Variants in CDH8 observed in about 807,000 individuals in gnomAD.
CDH8 encodes cadherin-8.
Under a neutral mutation model 68.1 loss-of-function variants are expected in CDH8, and 17 were observed. That is an observed-to-expected ratio of 0.25 (90% confidence interval 0.17 to 0.37). CDH8 has a LOEUF of 0.37. Ranked by LOEUF, CDH8 falls within the 10% of genes least tolerant of loss-of-function variation. The pLI, the probability that CDH8 is intolerant of heterozygous loss-of-function variation, is 1.00. For synonymous variants in CDH8, 372 were observed against 365.1 expected (o/e 1.02, Z -0.21); for missense variants, 763 against 999.3 (o/e 0.76, Z 3.19).
At chr16:61,919,919 A>G (rs1964329154) in intron 2 of CDH8, among the ~76,000 whole-genome samples, 1 of 152,200 alleles carries the variant, frequency 6.6e-6, no homozygotes, top group African/African-American at 2.4e-5. Flanking sequence ...AGATCAATGA[A>G]ACAGAACAGA....
intron 10 of CDH8, chr16:61,667,672 A>G (rs1187567390): frequency 2.0e-5 from 3 of 152,008 alleles, no homozygotes; most frequent in Admixed American, 2.0e-4. Context: ...CAGAAACTCT[A>G]AGAGAATAAG....
At position 62,010,427 on chromosome 16, in the gene CDH8, T is replaced by C. The variant is rs569131584; in HGVS notation, c.252+10725A>G. Among the ~76,000 whole-genome samples, 5 of 152,274 alleles carry C rather than the reference T, an allele frequency of 3.3e-5. No individual in the cohort carries two copies. In the South Asian group the frequency reaches 1.0e-3, roughly 32 times the overall value. On this transcript the variant is annotated intron_variant, in intron 2 of 11. Transcript: ENST00000577390. ...TGTGATCACCACGCACAGGTTTGAC[T>C]CTGGGCTTCATCACGTAATCACTAT...
chr16:61,652,594 C>A lies in CDH8; in HGVS notation c.*1014G>T, dbSNP rs1187878859. On this transcript the variant is annotated 3_prime_UTR_variant, in exon 12 of 12. Coordinates refer to ENST00000577390, the MANE Select transcript of CDH8 (RefSeq NM_001796.5). ...TTTCGATAATATTGCCTGCCATACT[C>A]ATCTCATCAAAATGTACATGTATTA... 1.9e-6 allele frequency: 2 copies of A among 1,038,856 alleles called. No homozygotes were observed. Among genetic ancestry groups the A allele is most frequent in the African/African-American group, 3.3e-5 (2 of 60,222 alleles). The allele number at this position is 1,038,856 out of a possible 1,614,324, so 64.4% of individuals were successfully genotyped here.
At chr16:61,809,910 C>A (rs1206926656) in intron 7 of CDH8, among the ~76,000 whole-genome samples, 1 of 152,190 alleles carries the variant, frequency 6.6e-6, no homozygotes, top group Non-Finnish European at 1.5e-5. Context: ...CCCGGTCACC[C>A]TATCTTTAGT....
chr16:61,777,763 T>A (rs1413864661), intron 8 of CDH8, among the ~76,000 whole-genome samples: 1 of 152,086 alleles, frequency 6.6e-6, no homozygotes, highest in African/African-American at 2.4e-5. Flanking sequence ...AAAACTGACA[T>A]GGGCTATGCG....
intron 10 of CDH8, among the ~76,000 whole-genome samples, chr16:61,691,123 C>T (rs1057390752): frequency 3.9e-5 from 6 of 152,050 alleles, no homozygotes; most frequent in Non-Finnish European, 7.4e-5. Context: ...GCCGCACACA[C>T]CTTGAGAAGT....
chr16:61,973,833 C>A (rs575777097), intron 2 of CDH8, among the ~76,000 whole-genome samples: 2 of 152,360 alleles, frequency 1.3e-5, no homozygotes, highest in African/African-American at 2.4e-5. Context: ...TCTACACTGA[C>A]TTAACACTTT....
intron 10 of CDH8, among the ~76,000 whole-genome samples, chr16:61,707,469 C>G (rs969132870): frequency 6.6e-6 from 1 of 152,052 alleles, no homozygotes; most frequent in East Asian, 1.9e-4. Flanking sequence ...TCCATAGTGT[C>G]TCTCCCTTAT....
intron 10 of CDH8, among the ~76,000 whole-genome samples, chr16:61,672,285 T>C (rs1039717299): frequency 6.6e-6 from 1 of 152,112 alleles, no homozygotes; most frequent in South Asian, 2.1e-4. Context: ...TTCTGATTAT[T>C]GAAAGGCTTA....
At chr16:61,717,780 T>G (rs1017903743) in intron 9 of CDH8, among the ~76,000 whole-genome samples, 4 of 151,418 alleles carry the variant, frequency 2.6e-5, no homozygotes, top group African/African-American at 9.7e-5. Context: ...ATGTGGCACA[T>G]GGCAACTATT....
intron 2 of CDH8, among the ~76,000 whole-genome samples, chr16:61,993,580 A>C (rs139926879): frequency 6.6e-6 from 1 of 152,246 alleles, no homozygotes; most frequent in Non-Finnish European, 1.5e-5. Flanking sequence ...AAAATAAAAA[A>C]TAAAATATGT....
intron 8 of CDH8, among the ~76,000 whole-genome samples, chr16:61,735,371 C>T (rs1027561753): frequency 2.6e-5 from 4 of 152,148 alleles, no homozygotes; most frequent in South Asian, 2.1e-4. Context: ...CAGAGATATG[C>T]GACATTAATG....
chr16:61,691,709 C>G (rs905634554), intron 10 of CDH8: 1 of 151,208 alleles, frequency 6.6e-6, no homozygotes, highest in Non-Finnish European at 1.5e-5. Context: ...TTAAATGTAC[C>G]TGAACAGATG....
At chr16:61,692,505 TGTA>T (rs1335666863) in intron 10 of CDH8, 1 of 139,194 alleles carries the variant, frequency 7.2e-6, no homozygotes, top group Admixed American at 7.9e-5. Context: ...TGTTTATCTG[TGTA>T]TGTGTGTATG....
chr16:61,760,283 TTTTA>T (rs138123289), intron 8 of CDH8, among the ~76,000 whole-genome samples: 31,723 of 146,160 alleles, frequency 0.22, 3,480 homozygotes, highest in East Asian at 0.35. Flanking sequence ...TGGAAGAAAA[TTTTA>T]TTTATTTATT....
chr16:62,010,769 T>A (rs1174753145), intron 2 of CDH8, among the ~76,000 whole-genome samples: 1 of 151,716 alleles, frequency 6.6e-6, no homozygotes, highest in African/African-American at 2.4e-5. Context: ...AGAAACACGA[T>A]CTCTACTAAA....
intron 3 of CDH8, among the ~76,000 whole-genome samples, 184 bp from the exon 4 acceptor site, chr16:61,857,422 A>C (rs1425281853): frequency 6.6e-6 from 1 of 152,196 alleles, no homozygotes; most frequent in Non-Finnish European, 1.5e-5. Flanking sequence ...CTTTTAAAAG[A>C]AAGAGTCCTG....
At chr16:61,787,842 C>CA (rs1265724908) in intron 8 of CDH8, among the ~76,000 whole-genome samples, 28 of 130,028 alleles carry the variant, frequency 2.2e-4, no homozygotes, top group Middle Eastern at 5.1e-3. Context: ...ATCGCAAGAA[C>CA]AAAAAACCAA....
intron 4 of CDH8, among the ~76,000 whole-genome samples, chr16:61,831,611 A>T (rs931438160): frequency 6.6e-6 from 1 of 151,486 alleles, no homozygotes; most frequent in African/African-American, 2.4e-5. Context: ...TTTTCTTCCC[A>T]TTGTCTTTGG....
Sources: allele counts gnomAD v4.1 joint callset (sites outside exome capture counted in the v4.1 genomes callset), GRCh38; gene constraint gnomAD v4.1.1; transcripts MANE v1.5; gene names NCBI Gene and HGNC (gene_info 2026-07-23, HGNC 2026-07-21).